HS2ST1: variants seen among roughly 807,000 people sequenced by gnomAD.
HS2ST1 encodes the protein heparan sulfate 2-O-sulfotransferase 1.
HS2ST1 carries 18 observed loss-of-function variants against 42.9 expected under a neutral mutation model. The ratio of observed to expected loss-of-function variants is 0.42; its 90% CI spans 0.29 to 0.62. HS2ST1 has a LOEUF of 0.62. Ranked by LOEUF, HS2ST1 falls within the 20% of genes least tolerant of loss-of-function variation. The pLI, the probability that HS2ST1 is intolerant of heterozygous loss-of-function variation, is 0.21. For synonymous variants in HS2ST1, 146 were observed against 152.9 expected, an observed-to-expected ratio of 0.95 and a Z score of 0.33; for missense variants, 334 against 433.8, an observed-to-expected ratio of 0.77 and a Z score of 2.04.
At chr1:87,033,834 G>A (rs1006594358) in intron 1 of HS2ST1, among the ~76,000 whole-genome samples, 8 of 152,126 alleles carry the variant, frequency 5.3e-5, no homozygotes, top group African/African-American at 7.2e-5. Flanking sequence ...GTGAGCCACC[G>A]CCCCCGGCCT....
chr1:87,066,409 A>C (rs1265804807), intron 1 of HS2ST1, among the ~76,000 whole-genome samples: 2 of 152,120 alleles, frequency 1.3e-5, no homozygotes, highest in African/African-American at 4.8e-5. Flanking sequence ...TCTGTAGGCT[A>C]TACATTTCAT....
At chr1:87,070,932 C>G (rs1031409033) in intron 1 of HS2ST1, among the ~76,000 whole-genome samples, 1 of 152,114 alleles carries the variant, frequency 6.6e-6, no homozygotes, top group Non-Finnish European at 1.5e-5. Flanking sequence ...CCTTTATTCT[C>G]AACTGTACAC....
intron 1 of HS2ST1, among the ~76,000 whole-genome samples, chr1:87,027,142 G>A (rs1160331673): frequency 2.6e-5 from 4 of 152,264 alleles, no homozygotes; most frequent in Admixed American, 2.0e-4. Context: ...CACTTTTTAA[G>A]CACTGTGCAG....
chr1:87,095,433 G>A (rs1182537734), intron 4 of HS2ST1, among the ~76,000 whole-genome samples: 1 of 152,128 alleles, frequency 6.6e-6, no homozygotes, highest in East Asian at 1.9e-4. Context: ...GAACTGCTCC[G>A]TGGTTACACT....
At chr1:86,970,938 A>G (rs1304179772) in intron 1 of HS2ST1, among the ~76,000 whole-genome samples, 1 of 152,154 alleles carries the variant, frequency 6.6e-6, no homozygotes, top group Non-Finnish European at 1.5e-5. Flanking sequence ...AGTTAGCACA[A>G]TTGACAAGTT....
At chr1:87,040,051 T>G (rs1650481080) in intron 1 of HS2ST1, among the ~76,000 whole-genome samples, 1 of 152,192 alleles carries the variant, frequency 6.6e-6, no homozygotes. Flanking sequence ...AAAAGTAGTT[T>G]CCTTTTAATA....
chr1:86,966,896 CTTT>C (rs11373445), intron 1 of HS2ST1, among the ~76,000 whole-genome samples: 1 of 147,264 alleles, frequency 6.8e-6, no homozygotes, highest in Non-Finnish European at 1.5e-5. Flanking sequence ...GAGTGCATTC[CTTT>C]TTTTTTTTTG....
At chr1:86,984,931 C>T (rs1378498090) in intron 1 of HS2ST1, among the ~76,000 whole-genome samples, 1 of 148,840 alleles carries the variant, frequency 6.7e-6, no homozygotes, top group Non-Finnish European at 1.5e-5. Flanking sequence ...AAAAGTTATG[C>T]CGTTTCTTAC....
At chr1:86,938,973 GA>G (rs1660711454) in intron 1 of HS2ST1, among the ~76,000 whole-genome samples, 1 of 152,136 alleles carries the variant, frequency 6.6e-6, no homozygotes, top group South Asian at 2.1e-4. Flanking sequence ...CTTTCATTCT[GA>G]ATACTAATTA....
At chr1:86,959,070 G>A (rs1647752610) in intron 1 of HS2ST1, among the ~76,000 whole-genome samples, 1 of 152,084 alleles carries the variant, frequency 6.6e-6, no homozygotes, top group Admixed American at 6.5e-5. Context: ...AGGAAACTAG[G>A]AATGGGGGAA....
At chr1:86,950,257 AAAT>A (rs1647466769) in intron 1 of HS2ST1, among the ~76,000 whole-genome samples, 1 of 152,320 alleles carries the variant, frequency 6.6e-6, no homozygotes, top group Admixed American at 6.5e-5. Context: ...CTTGTTGAAG[AAAT>A]AATAAGGCAG....
chr1:86,993,694 A>T (rs896272992), intron 1 of HS2ST1, among the ~76,000 whole-genome samples: 1 of 152,196 alleles, frequency 6.6e-6, no homozygotes, highest in Non-Finnish European at 1.5e-5. Context: ...AAAGAAAAAG[A>T]AGTTTATTAA....
chr1:86,995,951 T>C (rs1649084018), intron 1 of HS2ST1, among the ~76,000 whole-genome samples: 1 of 152,178 alleles, frequency 6.6e-6, no homozygotes, highest in Admixed American at 6.5e-5. Flanking sequence ...AAGTGGTGGC[T>C]GGTTTCTTAA....
At chr1:87,023,381 G>A (rs1384304688) in intron 1 of HS2ST1, among the ~76,000 whole-genome samples, 1 of 151,076 alleles carries the variant, frequency 6.6e-6, no homozygotes, top group Non-Finnish European at 1.5e-5. Flanking sequence ...AATAAGTTCT[G>A]GTTCATGCAT....
At chr1:86,996,653 A>G (rs555056355) in intron 1 of HS2ST1, among the ~76,000 whole-genome samples, 1 of 152,196 alleles carries the variant, frequency 6.6e-6, no homozygotes, top group African/African-American at 2.4e-5. Context: ...GTAGTCAAAG[A>G]TAACAAAGCA....
chr1:86,967,878 G>C (rs1648094549), intron 1 of HS2ST1, among the ~76,000 whole-genome samples: 1 of 152,192 alleles, frequency 6.6e-6, no homozygotes, highest in Admixed American at 6.5e-5. Flanking sequence ...TCTCCGTACT[G>C]TTTTCCATAG....
chr1:86,999,444 C>T (rs1189679265), intron 1 of HS2ST1, among the ~76,000 whole-genome samples: 1 of 152,194 alleles, frequency 6.6e-6, no homozygotes, highest in Non-Finnish European at 1.5e-5. Flanking sequence ...TCCCAAAGTG[C>T]TGGGATTACA....
At chr1:86,945,491 A>G (rs1288309262) in intron 1 of HS2ST1, among the ~76,000 whole-genome samples, 1 of 152,232 alleles carries the variant, frequency 6.6e-6, no homozygotes, top group Non-Finnish European at 1.5e-5. Flanking sequence ...TAAATAGGTT[A>G]TAAGACTCAT....
rs560198705 is a variant in HS2ST1, at chr1:87,004,035, G to A, written c.125-68899G>A. 3.3e-4 allele frequency among the ~76,000 whole-genome samples: 16 copies of A among 48,370 alleles called. No individual in the cohort carries two copies. In the Admixed American group the frequency reaches 4.3e-3, roughly 13 times the overall value. The allele number at this position is 48,370 out of a possible 152,430, so 31.7% of individuals were successfully genotyped here. ...TTCTCAATATGTGGCTAAGGAAAAT[G>A]TTTATGCCACCAAACAGCTTCTGAA... On this transcript the variant is annotated intron_variant, in intron 1 of 6. Coordinates refer to ENST00000370550, the MANE Select transcript of HS2ST1 (RefSeq NM_012262.4).
Sources: gnomAD v4.1 joint callset for allele counts (sites outside exome capture counted in the v4.1 genomes callset) on GRCh38, gnomAD v4.1.1 for gene constraint, MANE v1.5 for transcripts, NCBI Gene and HGNC (gene_info 2026-07-23, HGNC 2026-07-21) for gene names.